TMEM182: variants seen among roughly 807,000 people sequenced by gnomAD.
TMEM182 encodes the protein transmembrane protein 182.
TMEM182 carries 20 observed loss-of-function variants against 26.8 expected under a neutral mutation model. The ratio of observed to expected loss-of-function variants is 0.75; its 90% CI spans 0.53 to 1.09. TMEM182 has a LOEUF of 1.09. TMEM182 is among the 50% of genes least tolerant of loss of function. TMEM182 has a pLI of 0.00. For missense variants in TMEM182, 277 were observed against 275.5 expected, an observed-to-expected ratio of 1.01 and a Z score of -0.04; for synonymous variants, 109 against 102.2, an observed-to-expected ratio of 1.07 and a Z score of -0.40.
At chr2:102,832,004 CAAG>C (rs1683159105) in intron 3 of TMEM182, among the ~76,000 whole-genome samples, 1 of 152,134 alleles carries the variant, frequency 6.6e-6, no homozygotes, top group Non-Finnish European at 1.5e-5. Context: ...AGAGAAAACG[CAAG>C]AAGACAGTGG....
chr2:102,802,989 C>T (rs756863568), intron 4 of TMEM182, among the ~76,000 whole-genome samples: 2 of 152,182 alleles, frequency 1.3e-5, no homozygotes, highest in East Asian at 1.9e-4. Flanking sequence ...GAGCTCTGAA[C>T]CTTGGACTAA....
chr2:102,790,977 C>T (rs1204859945), intron 3 of TMEM182, among the ~76,000 whole-genome samples: 1 of 151,902 alleles, frequency 6.6e-6, no homozygotes, highest in Admixed American at 6.6e-5. Context: ...GCTCTGTTGC[C>T]CAGGCTGGAG....
chr2:102,833,790 A>T (rs571328523), intron 3 of TMEM182, among the ~76,000 whole-genome samples: 1 of 152,230 alleles, frequency 6.6e-6, no homozygotes, highest in East Asian at 1.9e-4. Context: ...TTTGTCCAGC[A>T]TGTCTCATTT....
Position 102,817,621 on chromosome 2 carries a change from T to G in TMEM182, c.*2653T>G, listed in dbSNP as rs555433733. The G allele has an allele frequency of 1.0e-3, 993 of 973,666 alleles. No individual in the cohort carries two copies. The highest frequency in any genetic ancestry group is 1.2e-3 in the Non-Finnish European group (957 of 819,382). The allele number at this position is 973,666 out of a possible 1,614,324, so 60.3% of individuals were successfully genotyped here. On this transcript the variant is annotated 3_prime_UTR_variant, in exon 5 of 5. Coordinates refer to ENST00000412401, the MANE Select transcript of TMEM182 (RefSeq NM_144632.5). ...TTTAGTCATTTTTATTACTAATCTA[T>G]AAATATATTTATTAAATTTGAAGAT...
chr2:102,799,354 A>C (rs1331858885), intron 4 of TMEM182, among the ~76,000 whole-genome samples: 1 of 152,176 alleles, frequency 6.6e-6, no homozygotes, highest in Non-Finnish European at 1.5e-5. Context: ...AGGGAATAAA[A>C]ATAATAATCA....
chr2:102,837,589 A>G (rs959012322), intron 3 of TMEM182, among the ~76,000 whole-genome samples: 1 of 152,086 alleles, frequency 6.6e-6, no homozygotes, highest in Admixed American at 6.6e-5. Flanking sequence ...TCACCTTGAT[A>G]GTGCCAAGGT....
At chr2:102,802,072 C>T (rs1185285928) in intron 4 of TMEM182, among the ~76,000 whole-genome samples, 3 of 152,106 alleles carry the variant, frequency 2.0e-5, no homozygotes, top group Non-Finnish European at 4.4e-5. Context: ...GGAGCAGGTG[C>T]AGCCTGGGCT....
chr2:102,835,928 A>G (rs573540301), intron 3 of TMEM182, among the ~76,000 whole-genome samples: 120 of 140,248 alleles, frequency 8.6e-4, no homozygotes, highest in African/African-American at 3.0e-3. Flanking sequence ...GTTCCCACCT[A>G]TGAGTGAGAA....
chr2:102,773,891 C>T (rs548547496), intron 3 of TMEM182, among the ~76,000 whole-genome samples: 2 of 151,810 alleles, frequency 1.3e-5, no homozygotes, highest in African/African-American at 2.4e-5. Flanking sequence ...GAACATCACC[C>T]GTAAAAAACA....
chr2:102,771,467 A>G (rs1359926730), intron 3 of TMEM182, among the ~76,000 whole-genome samples: 1 of 152,148 alleles, frequency 6.6e-6, no homozygotes, highest in Non-Finnish European at 1.5e-5. Context: ...TCTAGGGCAC[A>G]ACATCAAGGC....
intron 4 of TMEM182, among the ~76,000 whole-genome samples, chr2:102,812,347 T>C (rs182373970): frequency 1.4e-5 from 2 of 147,714 alleles, no homozygotes; most frequent in East Asian, 2.0e-4. Flanking sequence ...TTCCTTCTCA[T>C]TGTCTGTCTC....
chr2:102,814,195 G>A (rs534780041), intron 4 of TMEM182, among the ~76,000 whole-genome samples: 1 of 151,774 alleles, frequency 6.6e-6, no homozygotes, highest in African/African-American at 2.4e-5. Flanking sequence ...GTTTCTATTT[G>A]TATAACCATA....
At chr2:102,758,488 A>G (rs1005337212), upstream of TMEM182, 4 of 716,984 alleles carry the variant, frequency 5.6e-6, no homozygotes, top group Non-Finnish European at 7.8e-6. Context: ...GCTCCATTTC[A>G]TGTCTTCATT....
upstream of TMEM182, chr2:102,762,007 T>G (rs775357860): frequency 4.4e-6 from 2 of 455,672 alleles, no homozygotes; most frequent in Non-Finnish European, 7.9e-6. Flanking sequence ...CTGGAGTTCC[T>G]CCAGGGGCGA....
chr2:102,818,230 G>A (rs1573571173), downstream of TMEM182, among the ~76,000 whole-genome samples: 2 of 152,320 alleles, frequency 1.3e-5, no homozygotes, highest in East Asian at 3.9e-4. Flanking sequence ...TTGATTGTAT[G>A]AAGGAGTTAA....
chr2:102,785,770 A>G lies in TMEM182; in HGVS notation c.332-12093A>G, dbSNP rs985379326. Reference sequence around the variant, plus strand: ...TGTAATAACAATATCATAAAAGACTATAAGTTTCCCTGGGGAAATGTGATT... The same window carrying G: ...TGTAATAACAATATCATAAAAGACTGTAAGTTTCCCTGGGGAAATGTGATT... On this transcript the variant is annotated intron_variant, in intron 3 of 4. Transcript: ENST00000412401. 3.9e-5 allele frequency among the ~76,000 whole-genome samples: 6 copies of G among 152,330 alleles called. No homozygotes were observed. In the East Asian group the frequency reaches 7.7e-4, roughly 20 times the overall value.
chr2:102,775,333 C>T (rs1355405045), intron 3 of TMEM182: 1 of 152,152 alleles, frequency 6.6e-6, no homozygotes, highest in Non-Finnish European at 1.5e-5. Context: ...TGACAAAATT[C>T]AACAACACTT....
At chr2:102,807,764 A>G (rs1187678008) in intron 4 of TMEM182, among the ~76,000 whole-genome samples, 1 of 152,198 alleles carries the variant, frequency 6.6e-6, no homozygotes, top group East Asian at 1.9e-4. Flanking sequence ...CTTTAGCAAG[A>G]CATAGAGGAC....
At chr2:102,753,998 A>G (rs531920316) in intron 1 of TMEM182, among the ~76,000 whole-genome samples, 17 of 152,362 alleles carry the variant, frequency 1.1e-4, no homozygotes, top group Non-Finnish European at 2.4e-4. Context: ...TAAAGGAGGT[A>G]GTAGAGAGGA....
Sources: allele counts gnomAD v4.1 joint callset (sites outside exome capture counted in the v4.1 genomes callset), GRCh38; gene constraint gnomAD v4.1.1; transcripts MANE v1.5; gene names NCBI Gene and HGNC (gene_info 2026-07-23, HGNC 2026-07-21).